Variants in HTR2A observed in about 807,000 individuals in gnomAD.
HTR2A encodes the protein 5-HT2 receptor.
A neutral mutation model predicts 31.0 loss-of-function variants in HTR2A; 14 were observed. The observed-to-expected ratio is 0.45, with a 90% confidence interval of 0.30 to 0.71. HTR2A has a LOEUF of 0.71. Ranked by LOEUF, HTR2A falls within the 30% of genes least tolerant of loss-of-function variation. The pLI is 0.09. For missense variants in HTR2A, 442 were observed against 573.3 expected, an observed-to-expected ratio of 0.77 and a Z score of 2.34; for synonymous variants, 209 against 225.2, an observed-to-expected ratio of 0.93 and a Z score of 0.64.
intron 3 of HTR2A, among the ~76,000 whole-genome samples, chr13:46,844,593 C>G (rs183573424): frequency 6.6e-6 from 1 of 152,140 alleles, no homozygotes; most frequent in African/African-American, 2.4e-5. Flanking sequence ...AGGAGACTTG[C>G]GTTTATTCCT....
intron 3 of HTR2A, among the ~76,000 whole-genome samples, chr13:46,873,362 T>G (rs1184639834): frequency 6.6e-6 from 1 of 150,976 alleles, no homozygotes; most frequent in Non-Finnish European, 1.5e-5. Flanking sequence ...ATTTCTTTTT[T>G]TAATTGTGAT....
chr13:46,850,769 T>A (rs1463371774), intron 3 of HTR2A, among the ~76,000 whole-genome samples: 1 of 152,248 alleles, frequency 6.6e-6, no homozygotes, highest in African/African-American at 2.4e-5. Flanking sequence ...ATGGGAAGAC[T>A]GGCTATAGAA....
chr13:46,858,001 G>T (rs1189831969), intron 3 of HTR2A, among the ~76,000 whole-genome samples: 1 of 152,172 alleles, frequency 6.6e-6, no homozygotes, highest in East Asian at 1.9e-4. Context: ...CAGTAAGCAA[G>T]GTGGGAAATG....
At chr13:46,869,854 G>C (rs1206854600) in intron 3 of HTR2A, among the ~76,000 whole-genome samples, 1 of 152,152 alleles carries the variant, frequency 6.6e-6, no homozygotes, top group African/African-American at 2.4e-5. Flanking sequence ...ATCTGGAACA[G>C]ATGAATTAAG....
At chr13:46,877,098 T>C (rs952258207) in intron 3 of HTR2A, among the ~76,000 whole-genome samples, 8 of 152,314 alleles carry the variant, frequency 5.3e-5, no homozygotes, top group Middle Eastern at 3.4e-3. Context: ...ACTCCACTAA[T>C]GAGTAGCTGT....
chr13:46,888,725 A>C (rs1951028561), intron 3 of HTR2A, among the ~76,000 whole-genome samples: 1 of 152,228 alleles, frequency 6.6e-6, no homozygotes, highest in Admixed American at 6.5e-5. Flanking sequence ...TAAAAAAGAC[A>C]TTTAGTAAAT....
intron 3 of HTR2A, among the ~76,000 whole-genome samples, chr13:46,886,330 T>C (rs660358): frequency 1 from 152,147 of 152,296 alleles, 75,999 homozygotes; most frequent in Middle Eastern, 1. Flanking sequence ...GAAATTAAGA[T>C]ATTGTGCAAG....
chr13:46,878,307 G>T (rs1258895118), intron 3 of HTR2A, among the ~76,000 whole-genome samples: 1 of 152,202 alleles, frequency 6.6e-6, no homozygotes, highest in East Asian at 1.9e-4. Context: ...TTAGGAGGAG[G>T]AGAGGAATTC....
chr13:46,896,295 G>T, intron 1 of HTR2A, 61 bp from the exon 2 acceptor site: 1 of 986,248 alleles, frequency 1.0e-6, no homozygotes, highest in Non-Finnish European at 1.2e-6. Context: ...ATCTCATTTT[G>T]TTGGTTATGC....
intron 2 of HTR2A, among the ~76,000 whole-genome samples, chr13:46,893,156 T>A (rs1016932299): frequency 6.6e-6 from 1 of 152,206 alleles, no homozygotes. Context: ...GATCTAATAA[T>A]GCTTTGGGTG....
chr13:46,869,150 A>G (rs1159273788), intron 3 of HTR2A, among the ~76,000 whole-genome samples: 1 of 152,192 alleles, frequency 6.6e-6, no homozygotes, highest in Non-Finnish European at 1.5e-5. Flanking sequence ...TGAAAAGACA[A>G]CCTACAGAAT....
intron 3 of HTR2A, among the ~76,000 whole-genome samples, chr13:46,843,887 G>C (rs752733964): frequency 1.3e-5 from 2 of 152,118 alleles, no homozygotes; most frequent in Non-Finnish European, 2.9e-5. Context: ...TACTTTAACT[G>C]TACAATTATT....
intron 3 of HTR2A, among the ~76,000 whole-genome samples, chr13:46,851,211 A>C (rs1004232749): frequency 2.0e-4 from 30 of 152,246 alleles, no homozygotes; most frequent in Non-Finnish European, 4.0e-4. Context: ...TCATATCTTC[A>C]TAGTTCTATT....
intron 3 of HTR2A, among the ~76,000 whole-genome samples, chr13:46,875,772 A>G (rs1950904190): frequency 1.3e-5 from 2 of 152,240 alleles, no homozygotes; most frequent in African/African-American, 4.8e-5. Context: ...GATTAAAAAC[A>G]TAGCTCCCTG....
chr13:46,890,169 C>A (rs1951041153), intron 3 of HTR2A, among the ~76,000 whole-genome samples: 1 of 152,160 alleles, frequency 6.6e-6, no homozygotes, highest in Non-Finnish European at 1.5e-5. Context: ...CATGGAGAAA[C>A]CTTGTCTCTA....
At position 46,832,934 on chromosome 13, in the gene HTR2A, A is replaced by G. The variant is rs1281034472; in HGVS notation, c.*1903T>C. 2 of 152,218 alleles carry G rather than the reference A, an allele frequency of 1.3e-5. No individual in the cohort carries two copies. The highest frequency in any genetic ancestry group is 4.8e-5 in the African/African-American group (2 of 41,468). The allele number at this position is 152,218 out of a possible 1,614,324, so 9.4% of individuals were successfully genotyped here. ...CATGCAATTTAACCTTGAGTGTTAT[A>G]ATATCAAGGTGGATTAACTGTTGTT... On this transcript the variant is annotated 3_prime_UTR_variant, in exon 4 of 4. Transcript: ENST00000542664.
chr13:46,832,175 C>A lies in HTR2A; in HGVS notation c.*2662G>T, dbSNP rs1876268832. 6.6e-6 allele frequency: 1 copy of A among 152,222 alleles called. No homozygotes were observed. The highest frequency in any genetic ancestry group is 2.1e-4 in the South Asian group (1 of 4,834). The allele number at this position is 152,222 out of a possible 1,614,324, so 9.4% of individuals were successfully genotyped here. ...ATTAATTTCCAGTTTATTTAAAGAGCTGATATTTTTGTTACACTTTAATCT... is the reference window on the plus strand; with the variant it reads ...ATTAATTTCCAGTTTATTTAAAGAGATGATATTTTTGTTACACTTTAATCT... On this transcript the variant is annotated 3_prime_UTR_variant, in exon 4 of 4. Transcript: ENST00000542664.
chr13:46,841,279 C>G (rs1430604918), intron 3 of HTR2A, among the ~76,000 whole-genome samples: 2 of 152,158 alleles, frequency 1.3e-5, no homozygotes, highest in Non-Finnish European at 2.9e-5. Context: ...AACTCTCTCT[C>G]TCTCTCCACC....
chr13:46,887,559 A>G (rs1951017360), intron 3 of HTR2A, among the ~76,000 whole-genome samples: 2 of 152,048 alleles, frequency 1.3e-5, no homozygotes, highest in African/African-American at 4.8e-5. Context: ...CCCACAACCC[A>G]GAAAAGAGAG....
Sources: gnomAD v4.1 joint callset for allele counts (sites outside exome capture counted in the v4.1 genomes callset) on GRCh38, gnomAD v4.1.1 for gene constraint, MANE v1.5 for transcripts, NCBI Gene and HGNC (gene_info 2026-07-23, HGNC 2026-07-21) for gene names.